The following PLPP4 variants were observed in gnomAD, a reference collection of about 807,000 sequenced individuals.
PLPP4 encodes the protein diacylglycerol pyrophosphate like 2.
A neutral mutation model predicts 32.2 loss-of-function variants in PLPP4; 20 were observed. That is an observed-to-expected ratio of 0.62 (90% CI 0.44 to 0.90). The LOEUF (loss-of-function observed/expected upper bound fraction) is 0.90. Ranked by LOEUF, PLPP4 falls within the 40% of genes least tolerant of loss-of-function variation. The pLI is 0.00. For missense variants in PLPP4, 257 were observed against 353.1 expected (o/e 0.73, Z 2.18); for synonymous variants, 127 against 133.0 (o/e 0.95, Z 0.31).
At chr10:120,485,560 A>G (rs1033926403) in intron 1 of PLPP4, among the ~76,000 whole-genome samples, 1 of 152,214 alleles carries the variant, frequency 6.6e-6, no homozygotes, top group African/African-American at 2.4e-5. Context: ...CAGAAGGGGA[A>G]TTCCTGTTAA....
At chr10:120,465,972 G>A (rs1848288274) in intron 1 of PLPP4, among the ~76,000 whole-genome samples, 1 of 151,866 alleles carries the variant, frequency 6.6e-6, no homozygotes, top group Non-Finnish European at 1.5e-5. Context: ...TATCATTTTT[G>A]GCTATTAAGT....
chr10:120,496,567 C>T (rs186157894), intron 1 of PLPP4, among the ~76,000 whole-genome samples: 9 of 152,224 alleles, frequency 5.9e-5, no homozygotes, highest in African/African-American at 1.7e-4. Context: ...TGTTCTGATG[C>T]GTACAAGCAA....
intron 1 of PLPP4, among the ~76,000 whole-genome samples, chr10:120,474,841 TC>T (rs1191124298): frequency 6.6e-6 from 1 of 152,260 alleles, no homozygotes; most frequent in Non-Finnish European, 1.5e-5. Context: ...CCTTGACTAT[TC>T]AAACAACTCT....
chr10:120,513,855 G>T (rs1232730347), intron 2 of PLPP4, 56 bp from the exon 3 acceptor site: 11 of 1,308,698 alleles, frequency 8.4e-6, no homozygotes, highest in South Asian at 1.2e-5. Flanking sequence ...TTATCAATCA[G>T]CCCTTCTGAT....
chr10:120,557,458 C>A (rs995545689), intron 5 of PLPP4, among the ~76,000 whole-genome samples: 1 of 152,148 alleles, frequency 6.6e-6, no homozygotes, highest in South Asian at 2.1e-4. Flanking sequence ...TCTGAACCTC[C>A]AAACGCCTCT....
At chr10:120,510,489 G>C (rs1845679362) in intron 2 of PLPP4, among the ~76,000 whole-genome samples, 1 of 152,170 alleles carries the variant, frequency 6.6e-6, no homozygotes, top group Non-Finnish European at 1.5e-5. Context: ...GGAGGTACAA[G>C]GGAGCATCCC....
chr10:120,467,088 T>G (rs558001421), intron 1 of PLPP4, among the ~76,000 whole-genome samples: 1 of 151,380 alleles, frequency 6.6e-6, no homozygotes, highest in African/African-American at 2.4e-5. Flanking sequence ...GTAGGTTTGT[T>G]TTTTTTTTGA....
At chr10:120,461,702 T>G (rs1039805997) in intron 1 of PLPP4, among the ~76,000 whole-genome samples, 5 of 152,310 alleles carry the variant, frequency 3.3e-5, no homozygotes, top group Admixed American at 2.6e-4. Context: ...GTAGGGAAAG[T>G]ACACAGTGGG....
intron 2 of PLPP4, among the ~76,000 whole-genome samples, chr10:120,509,734 A>G (rs936995691): frequency 6.6e-6 from 1 of 152,236 alleles, no homozygotes; most frequent in African/African-American, 2.4e-5. Context: ...CCATAGCAGA[A>G]TAGTTAGAAG....
intron 1 of PLPP4, among the ~76,000 whole-genome samples, chr10:120,503,318 A>T (rs1845349627): frequency 6.6e-6 from 1 of 152,178 alleles, no homozygotes; most frequent in Non-Finnish European, 1.5e-5. Context: ...CTGAGATCTG[A>T]AAAAGCAAAC....
At chr10:120,502,649 C>T (rs539138364) in intron 1 of PLPP4, among the ~76,000 whole-genome samples, 3 of 152,178 alleles carry the variant, frequency 2.0e-5, no homozygotes, top group Non-Finnish European at 4.4e-5. Context: ...CTGCAAACAG[C>T]ACATGCTCAT....
chr10:120,525,897 C>T (rs1358481362), intron 5 of PLPP4, among the ~76,000 whole-genome samples: 2 of 152,014 alleles, frequency 1.3e-5, no homozygotes, highest in African/African-American at 2.4e-5. Context: ...TGTACCTTAC[C>T]GGGATTTGTT....
intron 2 of PLPP4, among the ~76,000 whole-genome samples, chr10:120,506,686 C>A (rs1564802896): frequency 6.6e-6 from 1 of 152,138 alleles, no homozygotes; most frequent in African/African-American, 2.4e-5. Context: ...GGAGCCAATT[C>A]GGCAAATGTA....
intron 5 of PLPP4, among the ~76,000 whole-genome samples, chr10:120,562,372 A>G (rs1354043918): frequency 6.6e-6 from 1 of 152,116 alleles, no homozygotes; most frequent in East Asian, 1.9e-4. Context: ...AAATCATACC[A>G]CCTGCAAATA....
chr10:120,519,964 A>T (rs118048115), intron 4 of PLPP4, among the ~76,000 whole-genome samples: 1,763 of 152,316 alleles, frequency 0.012, 15 homozygotes, highest in Non-Finnish European at 0.02. Flanking sequence ...TGGTGTTCAA[A>T]GCTTGTCCTT....
chr10:120,528,890 A>G (rs1846559086), intron 5 of PLPP4, among the ~76,000 whole-genome samples: 1 of 152,054 alleles, frequency 6.6e-6, no homozygotes, highest in South Asian at 2.1e-4. Flanking sequence ...GATATATTGT[A>G]TATCTGTTTA....
intron 5 of PLPP4, among the ~76,000 whole-genome samples, chr10:120,564,820 G>A (rs1041310899): frequency 1.5e-4 from 22 of 150,944 alleles, no homozygotes; most frequent in African/African-American, 5.1e-4. Flanking sequence ...TTTCTTTTTT[G>A]TGTGTGCCCT....
chr10:120,527,026 C>T (rs1840571818), intron 5 of PLPP4, among the ~76,000 whole-genome samples: 1 of 152,140 alleles, frequency 6.6e-6, no homozygotes, highest in African/African-American at 2.4e-5. Context: ...AATGTGTGTT[C>T]TTGTTTGTAT....
chr10:120,576,076 C>T (rs1849210424), intron 6 of PLPP4, among the ~76,000 whole-genome samples: 2 of 152,302 alleles, frequency 1.3e-5, no homozygotes, highest in African/African-American at 4.8e-5. Context: ...CTGCCCTGAG[C>T]TAGAAATTGG....
Sources: gnomAD v4.1 joint callset for allele counts (sites outside exome capture counted in the v4.1 genomes callset) on GRCh38, gnomAD v4.1.1 for gene constraint, MANE v1.5 for transcripts, NCBI Gene and HGNC (gene_info 2026-07-23, HGNC 2026-07-21) for gene names.